The following OR52I2 variants were observed in gnomAD, a reference collection of about 807,000 sequenced individuals.
OR52I2 encodes olfactory receptor 52I2.
For synonymous variants in OR52I2, 147 were observed against 151.9 expected (o/e 0.97, Z 0.24); for missense variants, 350 against 402.4 (o/e 0.87, Z 1.11).
chr11:4,582,433 CAT>C (rs1491248770), intron 1 of OR52I2, among the ~76,000 whole-genome samples: 1,138 of 74,630 alleles, frequency 0.015, 35 homozygotes, highest in African/African-American at 0.049. Context: ...ATTTATTTTT[CAT>C]TTTTTTTTTT....
chr11:4,582,177 A>T (rs1490907329), intron 1 of OR52I2, among the ~76,000 whole-genome samples: 1 of 152,156 alleles, frequency 6.6e-6, no homozygotes. Context: ...AAAATAATCC[A>T]AGCAATAGGG....
At chr11:4,587,794 A>G (rs1391922312) in exon 2 of OR52I2, 5 of 1,614,018 alleles carry the variant, frequency 3.1e-6, no homozygotes, top group South Asian at 1.1e-5. Context: ...CATGAGGACC[A>G]AACAACTGCG....
chr11:4,587,355 A>C, exon 2 of OR52I2: 2 of 1,613,092 alleles, frequency 1.2e-6, no homozygotes, highest in Non-Finnish European at 1.7e-6. Flanking sequence ...TCACCATCAG[A>C]GCTATCATAG....
At chr11:4,584,639 A>G (rs1311351470) in intron 1 of OR52I2, among the ~76,000 whole-genome samples, 2 of 152,184 alleles carry the variant, frequency 1.3e-5, no homozygotes, top group Non-Finnish European at 2.9e-5. Flanking sequence ...TGTCACAGGT[A>G]TGATGAAGAA....
exon 2 of OR52I2, chr11:4,590,031 C>G (rs530555152): frequency 7.2e-5 from 11 of 152,258 alleles, no homozygotes; most frequent in African/African-American, 2.4e-4. Flanking sequence ...AAGGCAGGTG[C>G]AGGGCTGAAA....
intron 1 of OR52I2, among the ~76,000 whole-genome samples, chr11:4,584,837 G>A (rs1035201853): frequency 6.6e-6 from 1 of 152,180 alleles, no homozygotes; most frequent in Non-Finnish European, 1.5e-5. Flanking sequence ...AATGTGGGTT[G>A]AGTGGCTTTT....
intron 1 of OR52I2, among the ~76,000 whole-genome samples, chr11:4,583,588 C>A (rs958494445): frequency 3.9e-5 from 6 of 152,202 alleles, no homozygotes; most frequent in African/African-American, 1.4e-4. Flanking sequence ...CAAAAGCTTT[C>A]CCTAATCTTC....
At chr11:4,592,909 T>G (rs926771149) in exon 2 of OR52I2, 6 of 152,214 alleles carry the variant, frequency 3.9e-5, no homozygotes, top group Non-Finnish European at 8.8e-5. Flanking sequence ...TCCATAGTTG[T>G]CTTGTTGACT....
exon 2 of OR52I2, chr11:4,587,803 C>G: frequency 1.2e-6 from 2 of 1,614,078 alleles, no homozygotes; most frequent in Non-Finnish European, 1.7e-6. Context: ...CAAACAACTG[C>G]GGGAGAGAAT....
chr11:4,586,884 A>G, exon 2 of OR52I2: 2 of 1,614,074 alleles, frequency 1.2e-6, no homozygotes, highest in Non-Finnish European at 1.7e-6. Context: ...AAAAAGTCTC[A>G]CTTGTGATGC....
intron 1 of OR52I2, among the ~76,000 whole-genome samples, chr11:4,582,403 A>C (rs1238895328): frequency 6.8e-6 from 1 of 147,890 alleles, no homozygotes; most frequent in Non-Finnish European, 1.5e-5. Flanking sequence ...GACATTAAGA[A>C]ACTTTTTATT....
exon 2 of OR52I2, chr11:4,589,039 TCTAA>T (rs1307868887): frequency 6.6e-6 from 1 of 152,192 alleles, no homozygotes; most frequent in Non-Finnish European, 1.5e-5. Context: ...ATACTCTTAG[TCTAA>T]CTTTTAGGTA....
At chr11:4,588,374 G>C (rs1846325540) in exon 2 of OR52I2, 1 of 158,504 alleles carries the variant, frequency 6.3e-6, no homozygotes, top group Non-Finnish European at 1.4e-5. Flanking sequence ...TGTGCCTGTT[G>C]ACTCTTTTCT....
At chr11:4,584,838 A>G (rs1462529805) in intron 1 of OR52I2, among the ~76,000 whole-genome samples, 1 of 152,152 alleles carries the variant, frequency 6.6e-6, no homozygotes, top group African/African-American at 2.4e-5. Flanking sequence ...ATGTGGGTTG[A>G]GTGGCTTTTT....
exon 2 of OR52I2, chr11:4,589,465 T>C (rs1846334783): frequency 6.6e-6 from 1 of 152,186 alleles, no homozygotes; most frequent in South Asian, 2.1e-4. Context: ...TGGGCATTAG[T>C]GTTGGGCTGA....
At chr11:4,582,658 C>T (rs886298462) in intron 1 of OR52I2, among the ~76,000 whole-genome samples, 1 of 151,966 alleles carries the variant, frequency 6.6e-6, no homozygotes, top group South Asian at 2.1e-4. Flanking sequence ...CCAGGCTGAA[C>T]TCCTGAGCTC....
At chr11:4,592,464 G>A (rs561276157) in exon 2 of OR52I2, 7 of 152,096 alleles carry the variant, frequency 4.6e-5, no homozygotes, top group African/African-American at 1.7e-4. Context: ...GGATTTGTAC[G>A]CTCTATTCTG....
exon 2 of OR52I2, chr11:4,588,867 T>C (rs1846329999): frequency 6.6e-6 from 1 of 152,200 alleles, no homozygotes; most frequent in Non-Finnish European, 1.5e-5. Context: ...CTATAAGATG[T>C]TGATGTGATG....
At chr11:4,585,182 T>C (rs140186479) in intron 1 of OR52I2, among the ~76,000 whole-genome samples, 61 of 152,316 alleles carry the variant, frequency 4.0e-4, no homozygotes, top group African/African-American at 1.5e-3. Context: ...ACCAATACTT[T>C]TCGACTCTTC....
Sources: allele counts gnomAD v4.1 joint callset (sites outside exome capture counted in the v4.1 genomes callset), GRCh38; gene constraint gnomAD v4.1.1; transcripts MANE v1.5; gene names NCBI Gene and HGNC (gene_info 2026-07-23, HGNC 2026-07-21).